PHLPP1: variants seen among roughly 807,000 people sequenced by gnomAD.
PHLPP1 encodes the protein PH domain and leucine rich repeat protein phosphatase 1, also known as PH domain leucine-rich repeat-containing protein phosphatase 1.
In PHLPP1, 42 loss-of-function variants were observed where a neutral mutation model predicts 117.2. The ratio of observed to expected loss-of-function variants is 0.36; its 90% CI spans 0.28 to 0.46. The LOEUF (loss-of-function observed/expected upper bound fraction) is 0.46, where lower values mean the gene tolerates loss of function less well. Ranked by LOEUF, PHLPP1 falls within the 20% of genes least tolerant of loss-of-function variation. The pLI is 1.00. For missense variants in PHLPP1, 2,084 were observed against 2,241.9 expected (o/e 0.93, Z 1.42); for synonymous variants, 1,042 against 970.7 (o/e 1.07, Z -1.37).
rs1229744533 is a variant in PHLPP1, at chr18:62,825,402, T to C, written c.1577-4633T>C. 14 of 147,492 alleles carry C rather than the reference T, an allele frequency of 9.5e-5. No homozygotes were observed. In the East Asian group the frequency reaches 2.5e-3, roughly 27 times the overall value. 9.1% of individuals were successfully genotyped at this position (147,492 alleles called of 1,614,324 possible). ...CCAAATTATATATTATATAAATATA[T>C]ATTATATTTATTTTATATTTTATTA... On this transcript the variant is annotated intron_variant, in intron 1 of 16. Coordinates refer to ENST00000262719, the MANE Select transcript of PHLPP1 (RefSeq NM_194449.4).
intron 4 of PHLPP1, among the ~76,000 whole-genome samples, chr18:62,864,479 C>T (rs568698918): frequency 1.3e-5 from 2 of 152,164 alleles, no homozygotes; most frequent in Admixed American, 6.5e-5. Context: ...AGTCACAAAG[C>T]GTAGGTCTGG....
chr18:62,901,799 A>AT (rs1172447461), intron 6 of PHLPP1, among the ~76,000 whole-genome samples: 350 of 145,502 alleles, frequency 2.4e-3, no homozygotes, highest in African/African-American at 7.9e-3. Context: ...AATTTTTTGT[A>AT]TTTTTTTTTT....
At chr18:62,959,160 T>C (rs1409441366) in intron 13 of PHLPP1, among the ~76,000 whole-genome samples, 1 of 152,210 alleles carries the variant, frequency 6.6e-6, no homozygotes, top group East Asian at 1.9e-4. Flanking sequence ...GATAAAAGAA[T>C]TAGTGGTTGG....
At chr18:62,879,567 A>G (rs1916126590) in intron 4 of PHLPP1, among the ~76,000 whole-genome samples, 1 of 152,016 alleles carries the variant, frequency 6.6e-6, no homozygotes, top group Non-Finnish European at 1.5e-5. Flanking sequence ...GTGTGCCACC[A>G]CGCTGGGCTA....
chr18:62,732,572 C>T (rs1287104028), intron 1 of PHLPP1, among the ~76,000 whole-genome samples: 1 of 152,196 alleles, frequency 6.6e-6, no homozygotes, highest in African/African-American at 2.4e-5. Context: ...AACACAACAT[C>T]CATTCTGTAC....
intron 1 of PHLPP1, among the ~76,000 whole-genome samples, chr18:62,794,610 A>G (rs1322691580): frequency 6.6e-6 from 1 of 152,166 alleles, no homozygotes; most frequent in Non-Finnish European, 1.5e-5. Context: ...CCTGGACTCA[A>G]GGGATCCTCC....
chr18:62,961,978 G>A (rs1227692088), intron 13 of PHLPP1, among the ~76,000 whole-genome samples: 1 of 152,212 alleles, frequency 6.6e-6, no homozygotes, highest in Non-Finnish European at 1.5e-5. Flanking sequence ...CTGGTTCTTA[G>A]GAAGGATATA....
intron 1 of PHLPP1, among the ~76,000 whole-genome samples, chr18:62,720,270 A>G (rs142635697): frequency 1.1e-3 from 169 of 152,278 alleles, no homozygotes; most frequent in African/African-American, 3.9e-3. Flanking sequence ...AGCCTTTGTC[A>G]TTGATGTAGG....
intron 1 of PHLPP1, among the ~76,000 whole-genome samples, chr18:62,726,994 G>A (rs1469579259): frequency 6.6e-6 from 1 of 151,386 alleles, no homozygotes; most frequent in Non-Finnish European, 1.5e-5. Flanking sequence ...TTGGGAGGCC[G>A]AGGTAGGTGG....
rs577746734 is a variant in PHLPP1 at position 62,764,174 on chromosome 18, A to C, written c.1576+46915A>C. Among the ~76,000 whole-genome samples the C allele has an allele frequency of 6.8e-3, 1,027 of 151,334 alleles. 14 individuals carry two copies. The highest frequency in any genetic ancestry group is 0.024 in the African/African-American group (974 of 41,258). Reference sequence around the variant, plus strand: ...GTGAAACTCCATCTCAAAAAAAAAAAAAAAAAAAACAACAACAACCAAAAA... The same window carrying C: ...GTGAAACTCCATCTCAAAAAAAAAACAAAAAAAAACAACAACAACCAAAAA... On this transcript the variant is annotated intron_variant, in intron 1 of 16. Transcript: ENST00000262719.
chr18:62,857,127 A>G (rs1435554613), intron 3 of PHLPP1, among the ~76,000 whole-genome samples: 2 of 152,178 alleles, frequency 1.3e-5, no homozygotes, highest in Non-Finnish European at 2.9e-5. Flanking sequence ...AGTACAATGG[A>G]AAAAATAAAG....
intron 13 of PHLPP1, 115 bp downstream of exon 13, chr18:62,958,874 A>C (rs141759320): frequency 1.7e-6 from 2 of 1,153,098 alleles, no homozygotes; most frequent in African/African-American, 3.0e-5. Flanking sequence ...AGCTGTGTTA[A>C]CACACACAAC....
At chr18:62,757,019 G>A (rs1912046262) in intron 1 of PHLPP1, among the ~76,000 whole-genome samples, 1 of 152,160 alleles carries the variant, frequency 6.6e-6, no homozygotes, top group South Asian at 2.1e-4. Flanking sequence ...TTTGATGAGT[G>A]TAATATGATA....
intron 10 of PHLPP1, among the ~76,000 whole-genome samples, chr18:62,940,349 C>CTTT (rs1568168241): frequency 1.4e-5 from 1 of 72,074 alleles, no homozygotes; most frequent in Non-Finnish European, 2.9e-5. Context: ...CTTTTTCTTT[C>CTTT]TTTTCTTTTT....
In PHLPP1 at chr18:62,854,988, C is replaced by T. The variant is rs975100947; in HGVS notation, c.1900-5447C>T. Among the ~76,000 whole-genome samples the T allele has an allele frequency of 2.0e-5, 3 of 152,290 alleles. No homozygotes were observed. In the East Asian group the frequency reaches 5.8e-4, roughly 29 times the overall value. ...TTGGGATTACAGGCATGAGCCCCTA[C>T]ACCCAGCCTGATCCTGCTGCTTTTT... On this transcript the variant is annotated intron_variant, in intron 3 of 16. Coordinates refer to ENST00000262719, the MANE Select transcript of PHLPP1 (RefSeq NM_194449.4).
At chr18:62,732,295 C>T (rs1008991308) in intron 1 of PHLPP1, among the ~76,000 whole-genome samples, 2 of 152,164 alleles carry the variant, frequency 1.3e-5, no homozygotes, top group African/African-American at 2.4e-5. Flanking sequence ...AGCGGATGCT[C>T]ATTTACCATT....
At chr18:62,912,264 G>A (rs569166551) in intron 8 of PHLPP1, among the ~76,000 whole-genome samples, 7 of 144,102 alleles carry the variant, frequency 4.9e-5, no homozygotes, top group Non-Finnish European at 6.0e-5. Flanking sequence ...TAACTAACCT[G>A]CACAATGTGC....
At chr18:62,801,050 TCCCTCCCTCCCTCCC>T (rs1913767159) in intron 1 of PHLPP1, among the ~76,000 whole-genome samples, 1 of 41,288 alleles carries the variant, frequency 2.4e-5, no homozygotes, top group African/African-American at 9.7e-5. Context: ...CCTCCCTCCC[TCCCTCCCTCCCTCCC>T]TCCTTCCCTT....
At chr18:62,973,888 A>T (rs1382538158) in intron 15 of PHLPP1, among the ~76,000 whole-genome samples, 1 of 152,204 alleles carries the variant, frequency 6.6e-6, no homozygotes, top group East Asian at 1.9e-4. Flanking sequence ...ACGGGCTAAT[A>T]GGTAGTGCAG....
Sources: gnomAD v4.1 joint callset for allele counts (sites outside exome capture counted in the v4.1 genomes callset) on GRCh38, gnomAD v4.1.1 for gene constraint, MANE v1.5 for transcripts, NCBI Gene and HGNC (gene_info 2026-07-23, HGNC 2026-07-21) for gene names.